The following TRIM15 variants were observed in gnomAD, a reference collection of about 807,000 sequenced individuals.
TRIM15 encodes the protein tripartite motif containing 15, also known as E3 ubiquitin-protein ligase TRIM15.
In TRIM15, 35 loss-of-function variants were observed where a neutral mutation model predicts 35.8. The observed-to-expected ratio is 0.98, with a 90% CI of 0.75 to 1.30. The LOEUF (loss-of-function observed/expected upper bound fraction) is 1.30, where lower values mean the gene tolerates loss of function less well. Ranked by LOEUF, TRIM15 falls within the 50% of genes most tolerant of loss-of-function variation. The pLI, the probability that TRIM15 is intolerant of heterozygous loss-of-function variation, is 0.00. For missense variants in TRIM15, 590 were observed against 593.5 expected (o/e 0.99, Z 0.06); for synonymous variants, 252 against 249.8 (o/e 1.01, Z -0.08).
At chr6:30,171,147 C>T in intron 6 of TRIM15, 139 bp downstream of exon 6, 3 of 928,136 alleles carry the variant, frequency 3.2e-6, no homozygotes, top group Non-Finnish European at 4.9e-6. Flanking sequence ...CTCTGAGACA[C>T]TGGGCAAGTT....
intron 2 of TRIM15, 65 bp downstream of exon 2, chr6:30,167,336 C>A (rs1170490685): frequency 1.5e-6 from 2 of 1,334,148 alleles, no homozygotes; most frequent in Non-Finnish European, 1.1e-6. Flanking sequence ...TGGGGAAACC[C>A]GTTGGCTGGT....
intron 4 of TRIM15, 166 bp downstream of exon 4, chr6:30,169,429 T>G: frequency 1.3e-6 from 1 of 794,822 alleles, no homozygotes; most frequent in Non-Finnish European, 2.2e-6. Flanking sequence ...ACTAAAGATT[T>G]GCGTTCTAAA....
In TRIM15 at chr6:30,172,228, T is replaced by A. The variant is rs935138344; in HGVS notation, c.1277T>A (p.Val426Glu). ...GCCCTGGACTACGAGGCGGGGCAGG[T>A]GACCCTCCACAACGCCCAGACCCAG... Reference protein sequence around the residue: ...RVALDYEAGQVTLHNAQTQEP... With the variant: ...RVALDYEAGQETLHNAQTQEP... Residue 426 changes from valine to glutamate, a missense_variant, in exon 7 of 7, where the codon GTG becomes GAG. Val to Glu is a moderately radical substitution (Grantham distance 121). Coordinates refer to ENST00000376694, the MANE Select transcript of TRIM15 (RefSeq NM_033229.3). 6.2e-7 allele frequency: 1 copy of A among 1,611,240 alleles called. No homozygotes were observed. The highest frequency in any genetic ancestry group is 8.5e-7 in the Non-Finnish European group (1 of 1,179,300).
Position 30,163,554 on chromosome 6 carries a change from T to TCTCTC in TRIM15, c.-131_-130insCTCTC. On this transcript the variant is annotated 5_prime_UTR_variant, in exon 1 of 7. Transcript: ENST00000376694. ...CTGGCATTCTTGCCTCTCTCTCTCT[T>TCTCTC]TCTCTCTCTCTGTCTCTTAGCCTTG... 12 of 1,136,752 alleles carry TCTCTC rather than the reference T, an allele frequency of 1.1e-5. No individual in the cohort carries two copies. The highest frequency in any genetic ancestry group is 1.4e-5 in the Non-Finnish European group (12 of 850,348). The allele number at this position is 1,136,752 out of a possible 1,614,324, so 70.4% of individuals were successfully genotyped here. A position where few individuals can be genotyped will look rare whatever the true frequency, so the allele number is the denominator to read the frequency against.
chr6:30,166,964 T>TG lies in TRIM15; in HGVS notation c.382-211dup, dbSNP rs759753479. On this transcript the variant is annotated intron_variant, in intron 1 of 6. Coordinates refer to ENST00000376694, the MANE Select transcript of TRIM15 (RefSeq NM_033229.3). ...ACCTCTGTGTTCCCATCTCACTGTG[T>TG]GTACCCCTGGACTATTGCATTTATC... 3.0e-4 allele frequency among the ~76,000 whole-genome samples: 45 copies of TG among 152,364 alleles called. 5 individuals are homozygous for TG. The highest frequency in any genetic ancestry group is 2.5e-3 in the East Asian group (13 of 5,186).
Position 30,163,788 on chromosome 6 carries a change from T to C in TRIM15, c.104T>C (p.Phe35Ser). The change falls in exon 1 of 7, where the codon TTC becomes TCC. Residue 35 changes from phenylalanine to serine, a missense_variant. Coordinates refer to ENST00000376694, the MANE Select transcript of TRIM15 (RefSeq NM_033229.3). ...GTGACCATTCCCTGTGGACACACCT[T>C]CTGCCGGCTCTGCCTCCCCGCGCTC... The part of the protein sequence containing the change: ...DAVTIPCGHT[F>S]CRLCLPALSQ... The C allele has an allele frequency of 6.2e-7, 1 of 1,613,010 alleles. No homozygotes were observed. The highest frequency in any genetic ancestry group is 8.5e-7 in the Non-Finnish European group (1 of 1,180,016).
chr6:30,167,275 C>A lies in TRIM15; in HGVS notation c.477+4C>A, dbSNP rs1158184867. 1 of 1,609,830 alleles carries A rather than the reference C, an allele frequency of 6.2e-7. No homozygotes were observed. The highest frequency in any genetic ancestry group is 8.5e-7 in the Non-Finnish European group (1 of 1,177,086). ...CCAGAAGCTTCAAGTGCTGCTGGTA[C>A]AGGCCACGTCACTGGCTACCTTTTC... On this transcript the variant is annotated splice_donor_region_variant and intron_variant, in intron 2 of 6. Coordinates refer to ENST00000376694, the MANE Select transcript of TRIM15 (RefSeq NM_033229.3).
intron 1 of TRIM15, 140 bp from the exon 2 acceptor site, chr6:30,167,036 G>A (rs1224072510): frequency 1.7e-5 from 11 of 638,296 alleles, no homozygotes; most frequent in Admixed American, 5.7e-5. Context: ...TGAGATGGTG[G>A]TCTCTTTAGG....
At chr6:30,165,810 T>A (rs1773556713) in intron 1 of TRIM15, among the ~76,000 whole-genome samples, 1 of 152,272 alleles carries the variant, frequency 6.6e-6, no homozygotes, top group Non-Finnish European at 1.5e-5. Context: ...TGGTGTGAGA[T>A]GGTATCTCAT....
intron 2 of TRIM15, among the ~76,000 whole-genome samples, chr6:30,167,670 G>A (rs548931958): frequency 1.6e-4 from 25 of 152,294 alleles, no homozygotes; most frequent in African/African-American, 5.3e-4. Context: ...ATATGTTAGT[G>A]TCGGGATTCT....
chr6:30,172,164 G>C lies in TRIM15; in HGVS notation c.1213G>C (p.Asp405His). ...CTGGGCCAGCACCTCCCCGGGCACCGACCTGCCGCTGAGCGAGATCCCGCG... is the reference window on the plus strand; with the variant it reads ...CTGGGCCAGCACCTCCCCGGGCACCCACCTGCCGCTGAGCGAGATCCCGCG... ...QCWASTSPGT[D>H]LPLSEIPRGV... The change falls in exon 7 of 7, where the codon GAC (aspartate) becomes CAC (histidine). Residue 405 changes from aspartate to histidine, a missense_variant. Coordinates refer to ENST00000376694, the MANE Select transcript of TRIM15 (RefSeq NM_033229.3). 6.3e-7 allele frequency: 1 copy of C among 1,597,926 alleles called. No individual in the cohort carries two copies. Among genetic ancestry groups the C allele is most frequent in the Non-Finnish European group, 8.5e-7 (1 of 1,172,992 alleles).
At position 30,170,970 on chromosome 6, in the gene TRIM15, C is replaced by G; in HGVS notation, c.848-6C>G. 1.2e-6 allele frequency: 2 copies of G among 1,610,558 alleles called. No individual in the cohort carries two copies. The highest frequency in any genetic ancestry group is 1.7e-6 in the Non-Finnish European group (2 of 1,179,006). On this transcript the variant is annotated splice_polypyrimidine_tract_variant and splice_region_variant and intron_variant, in intron 5 of 6. Coordinates refer to ENST00000376694, the MANE Select transcript of TRIM15 (RefSeq NM_033229.3). ...AGATCTCTCTTTCTATTTCTGCTTC[C>G]CTCAGAAAACTTGGCGCATCATCTG...
rs1774112896 is a variant in TRIM15 at position 30,172,485 on chromosome 6, C to T, written c.*136C>T. The T allele has an allele frequency of 3.0e-6, 4 of 1,324,066 alleles. No individual in the cohort carries two copies. The highest frequency in any genetic ancestry group is 2.1e-6 in the Non-Finnish European group (2 of 963,004). 82.0% of individuals were successfully genotyped at this position (1,324,066 alleles called of 1,614,324 possible). On this transcript the variant is annotated 3_prime_UTR_variant, in exon 7 of 7. Transcript: ENST00000376694. ...AACAGGGGACTTGAGTCTCGAACAG[C>T]GGTTGTTTTTACTTTATTTATCTTA... is the stretch of plus-strand genomic sequence containing the variant.
Position 30,163,850 on chromosome 6 carries a change from C to T in TRIM15, c.166C>T (p.Leu56Phe). The change falls in exon 1 of 7, where the codon CTC (leucine) becomes TTC (phenylalanine). Residue 56 changes from leucine (L) to phenylalanine (F), a missense_variant. By Grantham distance (22) the Leu-to-Phe change is conservative. Transcript: ENST00000376694. ...MGAQSSGKILLCPLCQEEEQA... is the reference protein window; with the variant it reads ...MGAQSSGKILFCPLCQEEEQA... ...GGCCCAATCCTCGGGCAAGATCCTG[C>T]TCTGCCCGCTCTGCCAAGAGGAGGA... is the stretch of plus-strand genomic sequence containing the variant. The T allele has an allele frequency of 6.2e-7, 1 of 1,613,066 alleles. No individual in the cohort carries two copies. The highest frequency in any genetic ancestry group is 8.5e-7 in the Non-Finnish European group (1 of 1,180,048).
chr6:30,169,334 T>A, intron 4 of TRIM15, 71 bp downstream of exon 4: 1 of 1,576,640 alleles, frequency 6.3e-7, no homozygotes, highest in African/African-American at 1.3e-5. Context: ...GCAGGGGCAC[T>A]TACTGCCACC....
Position 30,168,495 on chromosome 6 carries a change from G to T in TRIM15, c.673G>T (p.Glu225Ter). The change falls in exon 3 of 7, where the codon GAG (glutamate) becomes TAG (stop). Residue 225 changes from glutamate (E) to a stop codon, truncating the protein, a stop_gained. Transcript: ENST00000376694. LOFTEE classifies it high-confidence loss of function. The part of the protein sequence containing the change: ...RLGAQVKELE[E>*]KCQQPASELL... Reference sequence around the variant, plus strand: ...TGGAGCCCAGGTCAAGGAGCTGGAGGAGAAGTGTCAGCAGCCAGCAAGTGA... The same window carrying T: ...TGGAGCCCAGGTCAAGGAGCTGGAGTAGAAGTGTCAGCAGCCAGCAAGTGA... 1 of 1,607,554 alleles carries T rather than the reference G, an allele frequency of 6.2e-7. No individual in the cohort carries two copies.
At position 30,171,936 on chromosome 6, in the gene TRIM15, C is replaced by T. The variant is rs769433096; in HGVS notation, c.985C>T (p.Pro329Ser). 1 of 1,597,994 alleles carries T rather than the reference C, an allele frequency of 6.3e-7. No individual in the cohort carries two copies. The highest frequency in any genetic ancestry group is 1.1e-5 in the South Asian group (1 of 88,914). The part of the protein sequence containing the change: ...TRQKKSLPDS[P>S]LRFDGLPAVL... ...GCAGAAGAAGAGCCTGCCAGACAGC[C>T]CCCTGCGCTTCGACGGCCTCCCGGC... is the stretch of plus-strand genomic sequence containing the variant. The change falls in exon 7 of 7, where the codon CCC (proline) becomes TCC (serine). Residue 329 changes from proline (P) to serine (S), a missense_variant. By Grantham distance (74) the Pro-to-Ser change is moderately conservative. Transcript: ENST00000376694.
chr6:30,164,071 A>T lies in TRIM15; in HGVS notation c.381+6A>T, dbSNP rs1230359152. ...AGGCCATTCAGCCCTACCGGGTAAG[A>T]AGTGTAGCTTTACCTAGGGCCTGTT... On this transcript the variant is annotated splice_donor_region_variant and intron_variant, in intron 1 of 6. Coordinates refer to ENST00000376694, the MANE Select transcript of TRIM15 (RefSeq NM_033229.3). The T allele has an allele frequency of 6.2e-7, 1 of 1,607,254 alleles. No homozygotes were observed. Among genetic ancestry groups the T allele is most frequent in the Admixed American group, 1.7e-5 (1 of 59,776 alleles).
chr6:30,167,225 T>C lies in TRIM15; in HGVS notation c.431T>C (p.Ile144Thr). 6.2e-7 allele frequency: 1 copy of C among 1,613,012 alleles called. No homozygotes were observed. The highest frequency in any genetic ancestry group is 8.5e-7 in the Non-Finnish European group (1 of 1,179,998). The change falls in exon 2 of 7, where the codon ATT becomes ACT. Residue 144 changes from isoleucine (I) to threonine (T), a missense_variant. Ile to Thr is a moderately conservative substitution (Grantham distance 89). Transcript: ENST00000376694. ...LEALSTERDEIEDVKCQEDQK... is the reference protein window; with the variant it reads ...LEALSTERDETEDVKCQEDQK... ...GCTCTGAGCACGGAGAGAGATGAGA[T>C]TGAGGATGTAAAGTGTCAAGAAGAC...
Sources: allele counts gnomAD v4.1 joint callset (sites outside exome capture counted in the v4.1 genomes callset), GRCh38; gene constraint gnomAD v4.1.1; transcripts MANE v1.5; gene names NCBI Gene and HGNC (gene_info 2026-07-23, HGNC 2026-07-21).